UTRN: variants seen among roughly 807,000 people sequenced by gnomAD.
The protein encoded by UTRN is utrophin, also known as dystrophin-related protein 1.
In UTRN, 283 loss-of-function variants were observed where a neutral mutation model predicts 463.9. The ratio of observed to expected loss-of-function variants is 0.61; its 90% CI spans 0.55 to 0.67. The LOEUF (loss-of-function observed/expected upper bound fraction) is 0.67. UTRN is among the 30% of genes least tolerant of loss of function. UTRN has a pLI of 0.00. For missense variants in UTRN, 3,922 were observed against 4,084.3 expected (o/e 0.96, Z 1.08); for synonymous variants, 1,442 against 1,431.5 (o/e 1.01, Z -0.17).
chr6:144,429,822 G>T lies in UTRN; in HGVS notation c.855+81G>T, dbSNP rs1562385804. The T allele has an allele frequency of 4.8e-6, 7 of 1,469,050 alleles. No individual in the cohort carries two copies. In the Admixed American group the frequency reaches 1.2e-4, roughly 25 times the overall value. 91.0% of individuals were successfully genotyped at this position (1,469,050 alleles called of 1,614,324 possible). ...TACTAGATAAAAACACTTTTAGAGG[G>T]TTTTTTTCTTGACTGAGAACATCTT... On this transcript the variant is annotated intron_variant, in intron 9 of 74. Transcript: ENST00000367545.
chr6:144,366,807 T>C (rs1779547733), intron 2 of UTRN, among the ~76,000 whole-genome samples: 1 of 152,112 alleles, frequency 6.6e-6, no homozygotes. Flanking sequence ...TGTTGTTAGG[T>C]CTTTGAGGAA....
At chr6:144,651,658 G>C (rs73778366) in intron 51 of UTRN, among the ~76,000 whole-genome samples, 2,561 of 152,232 alleles carry the variant, frequency 0.017, 84 homozygotes, top group African/African-American at 0.059. Context: ...AGAATGATCT[G>C]ACTCAATTTT....
At chr6:144,687,527 T>C (rs1487188584) in intron 52 of UTRN, among the ~76,000 whole-genome samples, 1 of 152,168 alleles carries the variant, frequency 6.6e-6, no homozygotes, top group African/African-American at 2.4e-5. Flanking sequence ...TATATGCATA[T>C]GACAAATTCC....
In UTRN at chr6:144,509,561, A is replaced by G. The variant is rs1246424089; in HGVS notation, c.4765-1383A>G. Among the ~76,000 whole-genome samples the G allele has an allele frequency of 3.9e-5, 6 of 152,220 alleles. No homozygotes were observed. The South Asian group carries it at 6.2e-4, about 16-fold the overall frequency. ...TATACAAGTCACAAATTCACAGCAC[A>G]TTCTCTTCATTAGAGTAAATCAAAT... On this transcript the variant is annotated intron_variant, in intron 34 of 74. Coordinates refer to ENST00000367545, the MANE Select transcript of UTRN (RefSeq NM_007124.3).
intron 6 of UTRN, among the ~76,000 whole-genome samples, chr6:144,424,476 G>A (rs1298737889): frequency 2.0e-5 from 3 of 151,780 alleles, no homozygotes; most frequent in Admixed American, 2.0e-4. Flanking sequence ...ATTCTAACTA[G>A]TGACATCTGC....
At chr6:144,454,650 G>A (rs956689999) in intron 19 of UTRN, among the ~76,000 whole-genome samples, 3 of 152,006 alleles carry the variant, frequency 2.0e-5, no homozygotes, top group African/African-American at 4.8e-5. Context: ...TTGACTTTTT[G>A]TTATGGAAAA....
Position 144,535,978 on chromosome 6 carries a change from C to T in UTRN, c.6234-1604C>T, listed in dbSNP as rs114907042. On this transcript the variant is annotated intron_variant, in intron 43 of 74. Transcript: ENST00000367545. ...AATTGTTTGTAAAAATAAGGTCTTG[C>T]CATGTTGTCCAGGCTGGTCTCGAAC... Among the ~76,000 whole-genome samples the T allele has an allele frequency of 6.1e-3, 927 of 152,222 alleles. 8 individuals are homozygous for T. The highest frequency in any genetic ancestry group is 0.022 in the African/African-American group (898 of 41,526).
At chr6:144,447,423 C>T (rs1224426167) in intron 15 of UTRN, 105 bp downstream of exon 15, 1 of 1,317,670 alleles carries the variant, frequency 7.6e-7, no homozygotes, top group Non-Finnish European at 1.1e-6. Context: ...CAGCTCATTA[C>T]CTAGCATTAG....
chr6:144,581,432 TG>T (rs1255682360), intron 51 of UTRN, among the ~76,000 whole-genome samples: 1 of 152,194 alleles, frequency 6.6e-6, no homozygotes, highest in Non-Finnish European at 1.5e-5. Context: ...GGTGTTGTCA[TG>T]GGTGGCTGGT....
At chr6:144,349,020 T>C (rs1048123227) in intron 2 of UTRN, among the ~76,000 whole-genome samples, 2 of 152,102 alleles carry the variant, frequency 1.3e-5, no homozygotes, top group African/African-American at 2.4e-5. Context: ...TTCTTTTTTT[T>C]TTGTTTTGAG....
At chr6:144,774,470 G>T (rs1586509672) in intron 60 of UTRN, 106 bp downstream of exon 60, 2 of 976,640 alleles carry the variant, frequency 2.0e-6, no homozygotes, top group South Asian at 1.8e-5. Flanking sequence ...AAGTTAATCT[G>T]GTCTTCAGTG....
intron 2 of UTRN, among the ~76,000 whole-genome samples, chr6:144,381,547 A>G (rs1256519345): frequency 6.6e-6 from 1 of 152,132 alleles, no homozygotes; most frequent in African/African-American, 2.4e-5. Context: ...CCCAAATCTC[A>G]TCTTGAATTC....
At chr6:144,715,703 C>T (rs1414298382) in intron 53 of UTRN, among the ~76,000 whole-genome samples, 3 of 143,926 alleles carry the variant, frequency 2.1e-5, no homozygotes, top group Non-Finnish European at 4.4e-5. Flanking sequence ...TCCCCCCCCA[C>T]CCTTTTCTAC....
chr6:144,518,934 A>G (rs966371566), intron 39 of UTRN, among the ~76,000 whole-genome samples: 5 of 152,152 alleles, frequency 3.3e-5, no homozygotes, highest in African/African-American at 9.7e-5. Context: ...CAGTGCCCAA[A>G]TCTAATTCCT....
chr6:144,369,442 C>A lies in UTRN; in HGVS notation c.80-33681C>A, dbSNP rs187318828. Among the ~76,000 whole-genome samples, 464 of 152,278 alleles carry A rather than the reference C, an allele frequency of 3.0e-3. 3 individuals are homozygous for A. Among genetic ancestry groups the A allele is most frequent in the African/African-American group, 0.01 (427 of 41,550 alleles). ...GACCATCCTGGCCAACATGGTAAAACCCCGTCTTTACTAAAAATACAAAAA... is the reference window on the plus strand; with the variant it reads ...GACCATCCTGGCCAACATGGTAAAAACCCGTCTTTACTAAAAATACAAAAA... On this transcript the variant is annotated intron_variant, in intron 2 of 74. Transcript: ENST00000367545.
chr6:144,768,999 G>A (rs1793707030), intron 58 of UTRN, among the ~76,000 whole-genome samples: 1 of 145,726 alleles, frequency 6.9e-6, no homozygotes, highest in East Asian at 2.0e-4. Flanking sequence ...GATTCCCATG[G>A]CTGTTGCCTT....
chr6:144,405,095 G>A (rs770378348), intron 3 of UTRN, among the ~76,000 whole-genome samples: 5 of 152,174 alleles, frequency 3.3e-5, no homozygotes, highest in Non-Finnish European at 7.4e-5. Context: ...CTCTATTAGT[G>A]TTTGGAGATG....
chr6:144,397,496 TATGG>T (rs1228629527), intron 2 of UTRN, among the ~76,000 whole-genome samples: 2 of 152,200 alleles, frequency 1.3e-5, no homozygotes, highest in Admixed American at 6.5e-5. Flanking sequence ...TCTTCTCTTT[TATGG>T]GCATATACAG....
At chr6:144,767,909 G>C (rs1793538348) in intron 58 of UTRN, among the ~76,000 whole-genome samples, 1 of 152,102 alleles carries the variant, frequency 6.6e-6, no homozygotes, top group Non-Finnish European at 1.5e-5. Context: ...CCAGTTATAA[G>C]CATAAAATTG....
Sources: allele counts gnomAD v4.1 joint callset (sites outside exome capture counted in the v4.1 genomes callset), GRCh38; gene constraint gnomAD v4.1.1; transcripts MANE v1.5; gene names NCBI Gene and HGNC (gene_info 2026-07-23, HGNC 2026-07-21).